The following TMEM117 variants were observed in gnomAD, a reference collection of about 807,000 sequenced individuals.
TMEM117 encodes transmembrane protein 117.
In TMEM117, 27 loss-of-function variants were observed where a neutral mutation model predicts 52.4. That is an observed-to-expected ratio of 0.51 (90% CI 0.38 to 0.71). The LOEUF is 0.71. Among genes scored for constraint, TMEM117 ranks in the 30% least tolerant of loss-of-function variants. The pLI is 0.00. For missense variants in TMEM117, 556 were observed against 630.5 expected, an observed-to-expected ratio of 0.88 and a Z score of 1.26; for synonymous variants, 215 against 206.3, an observed-to-expected ratio of 1.04 and a Z score of -0.36.
chr12:44,028,327 G>C (rs1946577299), intron 3 of TMEM117, among the ~76,000 whole-genome samples: 1 of 152,166 alleles, frequency 6.6e-6, no homozygotes, highest in African/African-American at 2.4e-5. Context: ...TAAGCTTAAC[G>C]TTATTTTGTC....
intron 5 of TMEM117, among the ~76,000 whole-genome samples, chr12:44,240,911 G>C (rs1370301905): frequency 6.6e-6 from 1 of 151,970 alleles, no homozygotes; most frequent in Non-Finnish European, 1.5e-5. Context: ...TTTTAATTTT[G>C]ATAGGTGTTG....
rs759712587 is a variant in TMEM117 at position 43,844,833 on chromosome 12, G to A, written c.182G>A (p.Gly61Glu). The A allele has an allele frequency of 1.9e-6, 3 of 1,614,166 alleles. No homozygotes were observed. Among genetic ancestry groups the A allele is most frequent in the Non-Finnish European group, 2.5e-6 (3 of 1,180,036 alleles). ...TTTGTTACAAATAAATACCCTAGAG[G>A]AGTTGGCTGGAGGATTTTGAAGGTG... ...FSFVTNKYPR[G>E]VGWRILKVLL... The change falls in exon 2 of 8, where the codon GGA becomes GAA. Residue 61 changes from glycine to glutamate, a missense_variant. Gly to Glu is a moderately conservative substitution (Grantham distance 98, BLOSUM62 -2). Around this residue, in one of 3 missense-constraint regions of TMEM117, gnomAD observed 328 missense variants for 371.4 expected, o/e 0.88. Coordinates refer to ENST00000266534, the MANE Select transcript of TMEM117 (RefSeq NM_032256.3).
intron 7 of TMEM117, among the ~76,000 whole-genome samples, chr12:44,379,165 AGGAG>A (rs1357392094): frequency 1.3e-5 from 2 of 151,032 alleles, no homozygotes; most frequent in Non-Finnish European, 3.0e-5. Context: ...GAAGAAAGGA[AGGAG>A]GGAGGGAAGG....
At chr12:44,056,896 C>A (rs1188260759) in intron 3 of TMEM117, among the ~76,000 whole-genome samples, 1 of 152,138 alleles carries the variant, frequency 6.6e-6, no homozygotes, top group Non-Finnish European at 1.5e-5. Context: ...CACAGAGAGG[C>A]CTTTTATTCA....
chr12:44,008,809 G>T, intron 3 of TMEM117: 1 of 443,922 alleles, frequency 2.3e-6, no homozygotes, highest in Non-Finnish European at 4.5e-6. Flanking sequence ...GACATTTAAA[G>T]GACTTCTCTC....
At chr12:44,219,358 A>G (rs1255436167) in intron 5 of TMEM117, among the ~76,000 whole-genome samples, 1 of 152,190 alleles carries the variant, frequency 6.6e-6, no homozygotes, top group East Asian at 1.9e-4. Context: ...GAATTTGCTG[A>G]TGATTAGATA....
At chr12:44,205,048 A>G (rs1169157086) in intron 4 of TMEM117, among the ~76,000 whole-genome samples, 1 of 152,230 alleles carries the variant, frequency 6.6e-6, no homozygotes, top group Non-Finnish European at 1.5e-5. Flanking sequence ...AAAAATGGAC[A>G]TGTGGGACAT....
At chr12:43,845,069 A>C in intron 2 of TMEM117, 141 bp downstream of exon 2, 1 of 915,638 alleles carries the variant, frequency 1.1e-6, no homozygotes, top group South Asian at 1.8e-5. Context: ...GCATGGTTGT[A>C]ACTGGGTTCT....
rs1022709496 is a variant in TMEM117, at chr12:44,211,340, A to G, written c.561A>G (p.Ser187=). 5.6e-6 allele frequency: 9 copies of G among 1,612,446 alleles called. No homozygotes were observed. Among genetic ancestry groups the G allele is most frequent in the Non-Finnish European group, 6.8e-6 (8 of 1,179,290 alleles). Residue 187 remains serine, a synonymous_variant, in exon 5 of 8, where the codon TCA becomes TCG. Coordinates refer to ENST00000266534, the MANE Select transcript of TMEM117 (RefSeq NM_032256.3). ...AACCCTATCCTGACTGGGGAAAATC[A>G]GCAAGAGCTTTCTGGAAGAAAGGAA... ...QDKPYPDWGK[S]ARAFWKKGNV...
chr12:44,250,256 A>G (rs113197483), intron 5 of TMEM117, among the ~76,000 whole-genome samples: 1 of 152,232 alleles, frequency 6.6e-6, no homozygotes, highest in Admixed American at 6.5e-5. Flanking sequence ...ATCACTAATC[A>G]TTAGAGAAAT....
At chr12:44,115,540 A>G (rs79458234) in intron 3 of TMEM117, among the ~76,000 whole-genome samples, 1 of 146,954 alleles carries the variant, frequency 6.8e-6, no homozygotes, top group African/African-American at 2.5e-5. Flanking sequence ...ATAGTATGGG[A>G]TTTTTTTTTT....
chr12:43,999,036 C>A (rs1946075698), intron 3 of TMEM117, among the ~76,000 whole-genome samples: 1 of 152,180 alleles, frequency 6.6e-6, no homozygotes, highest in Non-Finnish European at 1.5e-5. Flanking sequence ...AAAAGACAAT[C>A]TCAAATGTTG....
chr12:44,328,906 A>G (rs945166777), intron 6 of TMEM117, among the ~76,000 whole-genome samples: 1 of 151,934 alleles, frequency 6.6e-6, no homozygotes. Context: ...GACCTGATGT[A>G]ATACCAGAAA....
the TMEM117 span, among the ~76,000 whole-genome samples, chr12:43,798,240 A>T: frequency 6.6e-6 from 1 of 152,178 alleles, no homozygotes; most frequent in African/African-American, 2.4e-5. Flanking sequence ...CACAAACATC[A>T]TGCACTGAAT....
chr12:44,076,829 C>G (rs974219717), intron 3 of TMEM117, among the ~76,000 whole-genome samples: 1 of 151,942 alleles, frequency 6.6e-6, no homozygotes, highest in Non-Finnish European at 1.5e-5. Flanking sequence ...TAAAATAGCC[C>G]GATGGAAGAT....
At chr12:44,154,573 G>A (rs1565851769) in intron 4 of TMEM117, among the ~76,000 whole-genome samples, 1 of 151,658 alleles carries the variant, frequency 6.6e-6, no homozygotes, top group African/African-American at 2.4e-5. Flanking sequence ...AAACCCAAGT[G>A]CTTTTTTTCT....
intron 3 of TMEM117, among the ~76,000 whole-genome samples, chr12:44,094,799 G>C (rs1267284764): frequency 6.6e-6 from 1 of 152,102 alleles, no homozygotes. Context: ...TAGTGTGTGT[G>C]TGGGGGAATA....
At chr12:44,018,911 G>A (rs557828626) in intron 3 of TMEM117, among the ~76,000 whole-genome samples, 47 of 151,664 alleles carry the variant, frequency 3.1e-4, no homozygotes, top group Non-Finnish European at 6.2e-4. Context: ...GTAGAGATGG[G>A]GTTTCACCGT....
chr12:44,235,723 C>A (rs1949987881), intron 5 of TMEM117, among the ~76,000 whole-genome samples: 1 of 151,488 alleles, frequency 6.6e-6, no homozygotes, highest in Non-Finnish European at 1.5e-5. Flanking sequence ...GAAGTAAGTT[C>A]TTTATTATTC....
Sources: allele counts gnomAD v4.1 joint callset (sites outside exome capture counted in the v4.1 genomes callset), GRCh38; gene constraint gnomAD v4.1.1; regional missense constraint gnomAD v4.1.1; transcripts MANE v1.5; gene names NCBI Gene and HGNC (gene_info 2026-07-23, HGNC 2026-07-21).